Variants in ARHGEF28 observed in about 807,000 individuals in gnomAD.
The protein encoded by ARHGEF28 is 190 kDa guanine nucleotide exchange factor.
A neutral mutation model predicts 206.6 loss-of-function variants in ARHGEF28; 152 were observed. That is an observed-to-expected ratio of 0.74 (90% CI 0.64 to 0.84). ARHGEF28 has a LOEUF of 0.84. ARHGEF28 is among the 40% of genes least tolerant of loss of function. The pLI, the probability that ARHGEF28 is intolerant of heterozygous loss-of-function variation, is 0.00. For missense variants in ARHGEF28, 2,028 were observed against 2,073.2 expected (o/e 0.98, Z 0.42); for synonymous variants, 763 against 776.4 (o/e 0.98, Z 0.29).
rs368441828 is a variant in ARHGEF28, at chr5:73,691,639, A to C, written c.33+6755A>C. Among the ~76,000 whole-genome samples, 71 of 152,296 alleles carry C rather than the reference A, an allele frequency of 4.7e-4. No individual in the cohort carries two copies. In the South Asian group the frequency reaches 0.014, roughly 31 times the overall value. ...CCATGGACTTAGTGCAAACATTTTC[A>C]TGTTCTTCTGTATTCATATATACAT... On this transcript the variant is annotated intron_variant, in intron 2 of 35. Transcript: ENST00000513042.
chr5:73,713,911 AT>A (rs1749413034), intron 2 of ARHGEF28, among the ~76,000 whole-genome samples: 1 of 152,238 alleles, frequency 6.6e-6, no homozygotes, highest in African/African-American at 2.4e-5. Flanking sequence ...AAAATTAAAA[AT>A]TGCAAATAGA....
At chr5:73,706,462 G>A (rs777817507) in intron 2 of ARHGEF28, among the ~76,000 whole-genome samples, 1 of 151,948 alleles carries the variant, frequency 6.6e-6, no homozygotes, top group Non-Finnish European at 1.5e-5. Context: ...AAAAAAAAGA[G>A]TCTATTGAAG....
chr5:73,641,795 C>G (rs1301324544), intron 1 of ARHGEF28, among the ~76,000 whole-genome samples: 1 of 152,106 alleles, frequency 6.6e-6, no homozygotes. Flanking sequence ...ACATTTTCAT[C>G]AGGTATGGAA....
At chr5:73,795,266 A>T in intron 8 of ARHGEF28, 65 bp from the exon 9 acceptor site, 1 of 1,468,560 alleles carries the variant, frequency 6.8e-7, no homozygotes, top group African/African-American at 1.4e-5. Context: ...CTAGTTCACA[A>T]AAATAAACAT....
In ARHGEF28 at chr5:73,864,805, C is replaced by T. The variant is rs754373051; in HGVS notation, c.2048-12C>T. 6.2e-7 allele frequency: 1 copy of T among 1,608,454 alleles called. No homozygotes were observed. The highest frequency in any genetic ancestry group is 8.5e-7 in the Non-Finnish European group (1 of 1,177,004). ...AAGATGGATGCTTTTGTATCTTTTC[C>T]CTTTATTTCAGACTGTAATGCAAAT... On this transcript the variant is annotated splice_polypyrimidine_tract_variant and intron_variant, in intron 16 of 35. Coordinates refer to ENST00000513042, the MANE Select transcript of ARHGEF28 (RefSeq NM_001177693.2).
intron 6 of ARHGEF28, among the ~76,000 whole-genome samples, chr5:73,777,301 A>G (rs1753596857): frequency 6.6e-6 from 1 of 151,574 alleles, no homozygotes; most frequent in Non-Finnish European, 1.5e-5. Flanking sequence ...TCCATCTTTT[A>G]ATTATGATTA....
Position 73,909,911 on chromosome 5 carries a change from G to T in ARHGEF28, c.4647+14G>T. ...GGTGGCCCCGAGGTATGGACCTTCT[G>T]CGGTGCTGTGAGGCAGCCTCTCAAA... On this transcript the variant is annotated intron_variant, in intron 34 of 35. Coordinates refer to ENST00000513042, the MANE Select transcript of ARHGEF28 (RefSeq NM_001177693.2). 6.7e-7 allele frequency: 1 copy of T among 1,490,368 alleles called. No homozygotes were observed. The highest frequency in any genetic ancestry group is 8.9e-7 in the Non-Finnish European group (1 of 1,129,332). The allele number at this position is 1,490,368 out of a possible 1,614,324, so 92.3% of individuals were successfully genotyped here.
Position 73,870,213 on chromosome 5 carries a change from A to G in ARHGEF28, c.2566+4A>G. 6.2e-7 allele frequency: 1 copy of G among 1,612,632 alleles called. No homozygotes were observed. The highest frequency in any genetic ancestry group is 8.5e-7 in the Non-Finnish European group (1 of 1,179,184). On this transcript the variant is annotated splice_donor_region_variant and intron_variant, in intron 21 of 35. Coordinates refer to ENST00000513042, the MANE Select transcript of ARHGEF28 (RefSeq NM_001177693.2). ...AAAAGACAGGATGTCATTTTTGGTA[A>G]GCGTTTCAAATATGCTCTTTGGGTT...
intron 2 of ARHGEF28, among the ~76,000 whole-genome samples, chr5:73,685,678 A>G (rs1414363902): frequency 6.6e-6 from 1 of 152,122 alleles, no homozygotes; most frequent in East Asian, 1.9e-4. Flanking sequence ...GCTGGAGGGC[A>G]GTGGCATGAT....
Position 73,766,203 on chromosome 5 carries a change from G to A in ARHGEF28, c.476-7652G>A, listed in dbSNP as rs111356367. On this transcript the variant is annotated intron_variant, in intron 4 of 35. Transcript: ENST00000513042. ...AAACAAAACAAAACAAAACAAAAAC[G>A]TATTGTGTTGCATACATTTCAATGG... Among the ~76,000 whole-genome samples, 101 of 151,708 alleles carry A rather than the reference G, an allele frequency of 6.7e-4. 2 individuals carry two copies. Among genetic ancestry groups the A allele is most frequent in the African/African-American group, 2.3e-3 (96 of 41,372 alleles).
At chr5:73,882,980 AG>A (rs1458062438) in intron 23 of ARHGEF28, among the ~76,000 whole-genome samples, 3 of 152,192 alleles carry the variant, frequency 2.0e-5, no homozygotes, top group Non-Finnish European at 4.4e-5. Flanking sequence ...AGTTTTCTCC[AG>A]ATGAAAAAGT....
chr5:73,784,806 T>C (rs2112468162), intron 7 of ARHGEF28, among the ~76,000 whole-genome samples: 1 of 152,240 alleles, frequency 6.6e-6, no homozygotes, highest in African/African-American at 2.4e-5. Context: ...ACAATGATAA[T>C]TAATAATAAA....
chr5:73,795,236 TG>T, intron 8 of ARHGEF28, 94 bp from the exon 9 acceptor site: 1 of 1,106,736 alleles, frequency 9.0e-7, no homozygotes, highest in Non-Finnish European at 1.3e-6. Context: ...TTTTCATTGA[TG>T]CTTTCCAAGG....
intron 2 of ARHGEF28, among the ~76,000 whole-genome samples, chr5:73,693,026 TGAG>T (rs1747939202): frequency 2.0e-5 from 3 of 152,214 alleles, no homozygotes; most frequent in Non-Finnish European, 4.4e-5. Flanking sequence ...ACTTTGCTGA[TGAG>T]GAGATTAGTC....
At chr5:73,860,993 T>C (rs1296676788) in intron 16 of ARHGEF28, among the ~76,000 whole-genome samples, 3 of 152,254 alleles carry the variant, frequency 2.0e-5, no homozygotes, top group African/African-American at 7.2e-5. Context: ...GCATAGATCC[T>C]GGTTTTTTAC....
intron 2 of ARHGEF28, among the ~76,000 whole-genome samples, chr5:73,742,763 G>T (rs1307626961): frequency 1.3e-5 from 2 of 149,066 alleles, no homozygotes; most frequent in Non-Finnish European, 3.0e-5. Context: ...AGCAGAGCTT[G>T]CAGTGAGCCG....
chr5:73,768,210 AC>A (rs148072618), intron 4 of ARHGEF28, among the ~76,000 whole-genome samples: 1 of 151,918 alleles, frequency 6.6e-6, no homozygotes, highest in African/African-American at 2.4e-5. Flanking sequence ...GTGAGGTGGG[AC>A]CCCCCACACA....
At chr5:73,792,506 A>G (rs1754537842) in intron 7 of ARHGEF28, among the ~76,000 whole-genome samples, 1 of 152,196 alleles carries the variant, frequency 6.6e-6, no homozygotes, top group Non-Finnish European at 1.5e-5. Context: ...ATGCAATATA[A>G]TGATCATTTA....
intron 21 of ARHGEF28, among the ~76,000 whole-genome samples, chr5:73,871,871 C>A (rs562759355): frequency 6.6e-6 from 1 of 152,338 alleles, no homozygotes; most frequent in South Asian, 2.1e-4. Context: ...TCTTTTGCGG[C>A]TGGCTTTTGT....
Sources: gnomAD v4.1 joint callset for allele counts (sites outside exome capture counted in the v4.1 genomes callset) on GRCh38, gnomAD v4.1.1 for gene constraint, MANE v1.5 for transcripts, NCBI Gene and HGNC (gene_info 2026-07-23, HGNC 2026-07-21) for gene names.